Variants in DNAH12 observed in about 807,000 individuals in gnomAD.
DNAH12 encodes the protein dynein axonemal heavy chain 12, also known as axonemal beta dynein heavy chain 12.
A neutral mutation model predicts 371.5 loss-of-function variants in DNAH12; 285 were observed. The observed-to-expected ratio is 0.77, with a 90% confidence interval of 0.70 to 0.85. The LOEUF (loss-of-function observed/expected upper bound fraction) is 0.85, where lower values mean the gene tolerates loss of function less well. Ranked by LOEUF, DNAH12 falls within the 40% of genes least tolerant of loss-of-function variation. The pLI, the probability that DNAH12 is intolerant of heterozygous loss-of-function variation, is 0.00. For missense variants in DNAH12, 3,611 were observed against 3,689.4 expected (o/e 0.98, Z 0.55); for synonymous variants, 1,200 against 1,213.0 (o/e 0.99, Z 0.22).
At position 57,393,625 on chromosome 3, in the gene DNAH12, C is replaced by CAAAA. The variant is rs1180952196; in HGVS notation, c.7110+542_7110+545dup. Among the ~76,000 whole-genome samples the CAAAA allele has an allele frequency of 5.6e-3, 358 of 63,864 alleles. 6 individuals are homozygous for CAAAA. Among genetic ancestry groups the CAAAA allele is most frequent in the Middle Eastern group, 0.012 (1 of 84 alleles). The allele number at this position is 63,864 out of a possible 152,430, so 41.9% of individuals were successfully genotyped here. On this transcript the variant is annotated intron_variant, in intron 44 of 73. Coordinates refer to ENST00000495027, the MANE Select transcript of DNAH12 (RefSeq NM_001366028.2). ...TGGGTGACAGAGCAAGACTCTGTCT[C>CAAAA]AAAAAAAAAAAAAAAAAAAAAAAAA...
At chr3:57,370,551 A>G (rs1261267538) in intron 55 of DNAH12, among the ~76,000 whole-genome samples, 3 of 152,234 alleles carry the variant, frequency 2.0e-5, no homozygotes, top group Admixed American at 1.3e-4. Flanking sequence ...AAACTGTTAG[A>G]AACTATAAAG....
intron 55 of DNAH12, among the ~76,000 whole-genome samples, chr3:57,373,719 T>C (rs947195513): frequency 2.6e-5 from 4 of 152,140 alleles, no homozygotes; most frequent in Non-Finnish European, 5.9e-5. Flanking sequence ...GACTCAAGGG[T>C]CTAATATTCT....
chr3:57,410,559 C>T (rs1240891555), intron 39 of DNAH12, among the ~76,000 whole-genome samples: 1 of 152,026 alleles, frequency 6.6e-6, no homozygotes, highest in African/African-American at 2.4e-5. Flanking sequence ...TGGCTCATAC[C>T]TGTAATCCCA....
chr3:57,445,759 C>T (rs1042089808), intron 27 of DNAH12, among the ~76,000 whole-genome samples: 14 of 151,920 alleles, frequency 9.2e-5, no homozygotes, highest in Middle Eastern at 3.4e-3. Flanking sequence ...GAGGCTGAGG[C>T]GGGCGAATCA....
At chr3:57,392,942 T>C (rs1406689005) in intron 44 of DNAH12, among the ~76,000 whole-genome samples, 4 of 152,184 alleles carry the variant, frequency 2.6e-5, no homozygotes, top group African/African-American at 9.6e-5. Context: ...ATTTACAGCC[T>C]TGGTCACATC....
intron 15 of DNAH12, among the ~76,000 whole-genome samples, chr3:57,470,883 T>G (rs1441282552): frequency 6.6e-6 from 1 of 152,178 alleles, no homozygotes; most frequent in Non-Finnish European, 1.5e-5. Context: ...ATTTTTGTAT[T>G]TTTAGTAGAG....
intron 2 of DNAH12, among the ~76,000 whole-genome samples, chr3:57,531,607 C>CA (rs928103276): frequency 1.3e-4 from 20 of 150,554 alleles, no homozygotes; most frequent in African/African-American, 3.7e-4. Context: ...ACTAAAAATA[C>CA]AAAAAAAATA....
chr3:57,504,499 C>T (rs546119755), intron 8 of DNAH12, among the ~76,000 whole-genome samples: 1 of 152,282 alleles, frequency 6.6e-6, no homozygotes, highest in East Asian at 1.9e-4. Flanking sequence ...TAACCTTGAA[C>T]TCCTGGGCTC....
chr3:57,294,064 A>C, intron 73 of DNAH12, 93 bp from the exon 74 acceptor site: 1 of 1,086,616 alleles, frequency 9.2e-7, no homozygotes, highest in Non-Finnish European at 1.2e-6. Flanking sequence ...AAATGGCCAG[A>C]ACTAAATCTA....
At chr3:57,368,905 T>C (rs2063107273) in intron 55 of DNAH12, among the ~76,000 whole-genome samples, 1 of 152,094 alleles carries the variant, frequency 6.6e-6, no homozygotes, top group Non-Finnish European at 1.5e-5. Context: ...TTAAATTTTC[T>C]TTTAAAAATA....
intron 29 of DNAH12, among the ~76,000 whole-genome samples, chr3:57,437,811 T>C (rs906222835): frequency 5.9e-5 from 9 of 152,166 alleles, no homozygotes; most frequent in African/African-American, 1.9e-4. Context: ...TCAGAATGCT[T>C]AGATCCCAAA....
At chr3:57,381,247 G>C (rs921363010) in intron 50 of DNAH12, among the ~76,000 whole-genome samples, 1 of 151,566 alleles carries the variant, frequency 6.6e-6, no homozygotes, top group Admixed American at 6.6e-5. Context: ...GTGTGTGTGT[G>C]TGTGTGTGTG....
chr3:57,533,693 C>G (rs548228463), intron 2 of DNAH12, among the ~76,000 whole-genome samples: 5 of 152,346 alleles, frequency 3.3e-5, no homozygotes, highest in African/African-American at 1.2e-4. Context: ...GCCTGGTGCC[C>G]TATCCTAGTG....
At chr3:57,417,165 G>T (rs550064161) in intron 37 of DNAH12, among the ~76,000 whole-genome samples, 1 of 150,108 alleles carries the variant, frequency 6.7e-6, no homozygotes, top group South Asian at 2.1e-4. Flanking sequence ...CAGGAGAATC[G>T]CTTGAACCCG....
intron 2 of DNAH12, among the ~76,000 whole-genome samples, chr3:57,532,520 A>C (rs146297055): frequency 6.6e-6 from 1 of 152,268 alleles, no homozygotes; most frequent in African/African-American, 2.4e-5. Context: ...GGGTGTTGTG[A>C]TCTAAGCCAT....
Position 57,544,326 on chromosome 3 carries a change from C to G in DNAH12, c.-163G>C, listed in dbSNP as rs1037259637. 1.3e-5 allele frequency: 2 copies of G among 152,162 alleles called. No individual in the cohort carries two copies. Among genetic ancestry groups the G allele is most frequent in the Non-Finnish European group, 1.5e-5 (1 of 68,046 alleles). The allele number at this position is 152,162 out of a possible 1,614,324, so 9.4% of individuals were successfully genotyped here. A position where few individuals can be genotyped will look rare whatever the true frequency, so the allele number is the denominator to read the frequency against. On this transcript the variant is annotated 5_prime_UTR_variant, in exon 1 of 74. Transcript: ENST00000495027. ...CTCCGGAACGCCACCGGCTCTCAAA[C>G]GAGTAGCTGGAGAAGGGCGGTCGCT...
Position 57,322,895 on chromosome 3 carries a change from A to T in DNAH12, c.10383+112T>A. The T allele has an allele frequency of 1.4e-6, 2 of 1,410,496 alleles. 1 individual carries two copies. Among genetic ancestry groups the T allele is most frequent in the South Asian group, 3.0e-5 (2 of 66,584 alleles). The allele number at this position is 1,410,496 out of a possible 1,614,324, so 87.4% of individuals were successfully genotyped here. A position where few individuals can be genotyped will look rare whatever the true frequency, so the allele number is the denominator to read the frequency against. On this transcript the variant is annotated intron_variant, in intron 64 of 73. Transcript: ENST00000495027. ...CGGTGAGCCGAAATTGCGCCACTGC[A>T]CTCCAGCCTGGGAGACAGAGTAAGA...
intron 2 of DNAH12, among the ~76,000 whole-genome samples, chr3:57,541,580 C>T (rs1356273288): frequency 1.3e-5 from 2 of 151,438 alleles, no homozygotes; most frequent in Admixed American, 1.3e-4. Context: ...TGCTCAGACT[C>T]ATCTCAAATT....
intron 12 of DNAH12, among the ~76,000 whole-genome samples, chr3:57,487,757 T>C (rs1311390732): frequency 6.6e-6 from 1 of 152,216 alleles, no homozygotes; most frequent in Admixed American, 6.5e-5. Context: ...TTTTATATCA[T>C]AGCTTTATAA....
Sources: gnomAD v4.1 joint callset for allele counts (sites outside exome capture counted in the v4.1 genomes callset) on GRCh38, gnomAD v4.1.1 for gene constraint, MANE v1.5 for transcripts, NCBI Gene and HGNC (gene_info 2026-07-23, HGNC 2026-07-21) for gene names.